Variants in PML observed in about 807,000 individuals in gnomAD.
PML encodes protein PML.
PML carries 28 observed loss-of-function variants against 65.2 expected under a neutral mutation model. The ratio of observed to expected loss-of-function variants is 0.43; its 90% CI spans 0.32 to 0.59. The LOEUF (loss-of-function observed/expected upper bound fraction) is 0.59. Ranked by LOEUF, PML falls within the 20% of genes least tolerant of loss-of-function variation. The pLI is 0.08. For synonymous variants in PML, 500 were observed against 508.8 expected, an observed-to-expected ratio of 0.98 and a Z score of 0.23; for missense variants, 1,021 against 1,203.4, an observed-to-expected ratio of 0.85 and a Z score of 2.24.
chr15:74,029,175 GTC>G (rs530636424), intron 4 of PML, among the ~76,000 whole-genome samples: 2 of 151,696 alleles, frequency 1.3e-5, no homozygotes, highest in Non-Finnish European at 2.9e-5. Context: ...TTGTTATATT[GTC>G]TCTCTCTCTT....
At chr15:73,998,590 A>T (rs2069615184) in intron 2 of PML, 114 bp downstream of exon 2, 1 of 884,512 alleles carries the variant, frequency 1.1e-6, no homozygotes, top group South Asian at 1.5e-5. Context: ...GGGGCCTTGC[A>T]ACTCTAAATG....
Position 73,994,932 on chromosome 15 carries a change from C to A in PML, c.120C>A (p.Ser40Arg). 6.5e-7 allele frequency: 1 copy of A among 1,545,590 alleles called. No individual in the cohort carries two copies. Among genetic ancestry groups the A allele is most frequent in the South Asian group, 1.2e-5 (1 of 83,738 alleles). ...SEGRQPSPSP[S>R]PTERAPASEE... ...GCCGCCAGCCCAGCCCCAGCCCCAG[C>A]CCTACAGAGGTACTATTGGGTTAGG... The change falls in exon 1 of 9, where the codon AGC becomes AGA. Residue 40 changes from serine to arginine, a missense_variant. Coordinates refer to ENST00000268058, the MANE Select transcript of PML (RefSeq NM_033238.3).
intron 2 of PML, among the ~76,000 whole-genome samples, chr15:74,013,022 GGGT>G (rs1254680695): frequency 6.6e-6 from 1 of 151,908 alleles, no homozygotes; most frequent in Admixed American, 6.6e-5. Context: ...GACAGCTCTG[GGGT>G]CAAACTGACT....
chr15:74,025,169 C>T, intron 4 of PML: 1 of 544,258 alleles, frequency 1.8e-6, no homozygotes, highest in Non-Finnish European at 3.3e-6. Flanking sequence ...GAGCCAGGTT[C>T]AGTGGGGGTT....
intron 4 of PML, among the ~76,000 whole-genome samples, chr15:74,029,022 G>A (rs2071202733): frequency 6.6e-6 from 1 of 152,066 alleles, no homozygotes; most frequent in Non-Finnish European, 1.5e-5. Context: ...ACTCAGAAGT[G>A]GGATCGCTGG....
At chr15:74,031,475 T>C (rs2071322473) in intron 4 of PML, among the ~76,000 whole-genome samples, 1 of 152,200 alleles carries the variant, frequency 6.6e-6, no homozygotes, top group African/African-American at 2.4e-5. Context: ...TCAAGGCTCA[T>C]CCATGTTGTA....
chr15:74,013,792 G>T (rs980731712), intron 2 of PML, among the ~76,000 whole-genome samples: 1 of 152,098 alleles, frequency 6.6e-6, no homozygotes, highest in Non-Finnish European at 1.5e-5. Flanking sequence ...AAATAGATCA[G>T]ATTTAAATAA....
chr15:74,009,151 G>A (rs2070205867), intron 2 of PML, among the ~76,000 whole-genome samples: 1 of 152,180 alleles, frequency 6.6e-6, no homozygotes, highest in Non-Finnish European at 1.5e-5. Flanking sequence ...GTCTAGGGCT[G>A]CAGGTGGAGC....
At chr15:74,007,873 G>A (rs1317586157) in intron 2 of PML, among the ~76,000 whole-genome samples, 2 of 152,194 alleles carry the variant, frequency 1.3e-5, no homozygotes, top group South Asian at 2.1e-4. Flanking sequence ...CAATTGAGGC[G>A]GCAGGGTTCC....
intron 2 of PML, among the ~76,000 whole-genome samples, chr15:73,998,681 A>T (rs2069620122): frequency 6.6e-6 from 1 of 152,234 alleles, no homozygotes; most frequent in Non-Finnish European, 1.5e-5. Context: ...GTAAGTTTCC[A>T]GTTTCCTCCT....
At chr15:74,021,572 C>T (rs1001763518) in intron 2 of PML, among the ~76,000 whole-genome samples, 9 of 150,660 alleles carry the variant, frequency 6.0e-5, no homozygotes, top group Non-Finnish European at 1.2e-4. Flanking sequence ...GCAACAAGAG[C>T]GAAACTCCAT....
In PML at chr15:74,035,913, A is replaced by G. The variant is rs745572445; in HGVS notation, c.1710+1383A>G. The G allele has an allele frequency of 1.2e-6, 2 of 1,613,704 alleles. No homozygotes were observed. Among genetic ancestry groups the G allele is most frequent in the Non-Finnish European group, 1.7e-6 (2 of 1,180,000 alleles). On this transcript the variant is annotated intron_variant, in intron 7 of 8. Transcript: ENST00000268058. This position sits in a 1 kb window ranked among gnomAD's most constrained non-coding sequence, Gnocchi z 4.1. ...ACCCTGTGCCCCAGAAAGGCCCCCC[A>G]TCAGCCCAGTCCCAGGCGCCCGTCA...
chr15:74,022,271 T>C (rs1157374597), intron 2 of PML, among the ~76,000 whole-genome samples: 1 of 151,384 alleles, frequency 6.6e-6, no homozygotes, highest in East Asian at 2.0e-4. Context: ...TCTTTCTTTC[T>C]TTTTTTTTGA....
intron 2 of PML, among the ~76,000 whole-genome samples, chr15:74,010,055 C>A (rs1024225784): frequency 6.6e-6 from 1 of 151,926 alleles, no homozygotes; most frequent in Non-Finnish European, 1.5e-5. Context: ...TGCTCTGTCA[C>A]CCAGGCTGGA....
At position 74,046,012 on chromosome 15, in the gene PML, C is replaced by CAG; in HGVS notation, c.*1008_*1009dup. Reference sequence around the variant, plus strand: ...TCCAAGGGGAAGCAGTGTGGAACAGCAGAGAAAGTCCCGTCCCTATCTCTG... The same window carrying CAG: ...TCCAAGGGGAAGCAGTGTGGAACAGCAGAGAGAAAGTCCCGTCCCTATCTCTG... On this transcript the variant is annotated 3_prime_UTR_variant, in exon 9 of 9. Coordinates refer to ENST00000268058, the MANE Select transcript of PML (RefSeq NM_033238.3). 1 of 232,858 alleles carries CAG rather than the reference C, an allele frequency of 4.3e-6. No individual in the cohort carries two copies. The highest frequency in any genetic ancestry group is 8.5e-6 in the Non-Finnish European group (1 of 117,766). 14.4% of individuals were successfully genotyped at this position (232,858 alleles called of 1,614,324 possible).
chr15:74,024,932 G>A lies in PML; in HGVS notation c.1254+5G>A. On this transcript the variant is annotated splice_donor_5th_base_variant and intron_variant, in intron 4 of 8. Transcript: ENST00000268058. ...GACCCTATTGACGTTGACCTGGTGA[G>A]ATGGGTTTGAGGTCTGAAGGGGTGG... 6.2e-7 allele frequency: 1 copy of A among 1,610,216 alleles called. No individual in the cohort carries two copies. The highest frequency in any genetic ancestry group is 8.5e-7 in the Non-Finnish European group (1 of 1,176,500).
intron 6 of PML, 128 bp from the exon 7 acceptor site, chr15:74,034,345 GTTCCC>G: frequency 9.0e-7 from 1 of 1,113,114 alleles, no homozygotes. Context: ...CACAGTGGCT[GTTCCC>G]GTCCCCCTGC....
At chr15:74,005,135 C>A (rs1257036913) in intron 2 of PML, among the ~76,000 whole-genome samples, 17 of 152,206 alleles carry the variant, frequency 1.1e-4, no homozygotes, top group Admixed American at 1.1e-3. Flanking sequence ...TCACTGCAAC[C>A]TCCACCTCCT....
At position 74,044,580 on chromosome 15, in the gene PML, C is replaced by T. The variant is rs769540520; in HGVS notation, c.2221C>T (p.Arg741Cys). The T allele has an allele frequency of 5.6e-6, 9 of 1,610,558 alleles. No individual in the cohort carries two copies. The highest frequency in any genetic ancestry group is 3.3e-5 in the Admixed American group (2 of 60,010). The change falls in exon 9 of 9, where the codon CGC becomes TGC. Residue 741 changes from arginine (R) to cysteine (C), a missense_variant. Transcript: ENST00000268058. ...CTACCTGGCGAGAAACATGAGCGAG[C>T]GCAGCGCCATGGCTGCCGTGCTGGC... is the stretch of plus-strand genomic sequence containing the variant. ...QTYLARNMSE[R>C]SAMAAVLAMR...
Sources: gnomAD v4.1 joint callset for allele counts (sites outside exome capture counted in the v4.1 genomes callset) on GRCh38, gnomAD v4.1.1 for gene constraint, Gnocchi (gnomAD v3.1) non-coding constraint, MANE v1.5 for transcripts, NCBI Gene and HGNC (gene_info 2026-07-23, HGNC 2026-07-21) for gene names.